Variants in PIGU observed in about 807,000 individuals in gnomAD.
PIGU encodes GPI-anchor transamidase component PIGU.
In PIGU, 24 loss-of-function variants were observed where a neutral mutation model predicts 49.9. The ratio of observed to expected loss-of-function variants is 0.48; its 90% CI spans 0.35 to 0.68. The LOEUF is 0.68. Ranked by LOEUF, PIGU falls within the 30% of genes least tolerant of loss-of-function variation. PIGU has a pLI of 0.01. For synonymous variants in PIGU, 220 were observed against 205.7 expected, an observed-to-expected ratio of 1.07 and a Z score of -0.59; for missense variants, 490 against 532.6, an observed-to-expected ratio of 0.92 and a Z score of 0.79.
chr20:34,590,638 C>CATAACAT (rs1568629321), intron 7 of PIGU, among the ~76,000 whole-genome samples: 7 of 116,076 alleles, frequency 6.0e-5, no homozygotes, highest in East Asian at 2.6e-4. Context: ...TAACATAACA[C>CATAACAT]AACAACAAAA....
intron 5 of PIGU, among the ~76,000 whole-genome samples, chr20:34,635,455 C>G (rs1261518309): frequency 6.6e-6 from 1 of 152,182 alleles, no homozygotes; most frequent in Admixed American, 6.5e-5. Context: ...TAGTGTTTTC[C>G]TGAGATGGGA....
intron 6 of PIGU, among the ~76,000 whole-genome samples, chr20:34,631,766 TATATATATATATATATA>T (rs1985767781): frequency 1.9e-4 from 1 of 5,212 alleles, no homozygotes; most frequent in African/African-American, 1.2e-3. Context: ...TATATATATA[TATATATATATATATATA>T]TATTTTTTTT....
At chr20:34,589,740 C>T (rs1166666779) in intron 7 of PIGU, among the ~76,000 whole-genome samples, 1 of 147,832 alleles carries the variant, frequency 6.8e-6, no homozygotes. Flanking sequence ...ACTGCAACCT[C>T]CACCTCCCGG....
intron 7 of PIGU, among the ~76,000 whole-genome samples, chr20:34,606,203 C>T (rs140303485): frequency 9.6e-4 from 143 of 148,802 alleles, no homozygotes; most frequent in African/African-American, 3.4e-3. Flanking sequence ...TGCAGTGAGC[C>T]GAGATTGCAC....
At chr20:34,674,260 C>T (rs1432823300) in intron 1 of PIGU, among the ~76,000 whole-genome samples, 7 of 151,424 alleles carry the variant, frequency 4.6e-5, no homozygotes, top group Admixed American at 2.0e-4. Flanking sequence ...GAGGCTGAGA[C>T]GAGATAACAG....
At chr20:34,667,827 C>A (rs1987150926) in intron 1 of PIGU, among the ~76,000 whole-genome samples, 1 of 152,036 alleles carries the variant, frequency 6.6e-6, no homozygotes, top group African/African-American at 2.4e-5. Flanking sequence ...CAAAGAATAG[C>A]CCCTAAAATG....
Position 34,674,223 on chromosome 20 carries a change from C to T in PIGU, c.130+2733G>A, listed in dbSNP as rs146208826. 1.6e-3 allele frequency among the ~76,000 whole-genome samples: 246 copies of T among 151,758 alleles called. 2 individuals are homozygous for T. Among genetic ancestry groups the T allele is most frequent in the African/African-American group, 5.5e-3 (229 of 41,366 alleles). On this transcript the variant is annotated intron_variant, in intron 1 of 11. Coordinates refer to ENST00000217446, the MANE Select transcript of PIGU (RefSeq NM_080476.5). ...TACAAAAATTAGCTGGGCATGGTGG[C>T]GGGCACCTGTAATCCCAGCTACCCA...
At chr20:34,657,608 A>G (rs1472912562) in intron 1 of PIGU, among the ~76,000 whole-genome samples, 1 of 152,230 alleles carries the variant, frequency 6.6e-6, no homozygotes, top group Non-Finnish European at 1.5e-5. Flanking sequence ...CCATAGTGTG[A>G]GGAAATGGGC....
intron 6 of PIGU, among the ~76,000 whole-genome samples, chr20:34,623,857 T>C (rs545313797): frequency 3.9e-4 from 59 of 152,270 alleles, no homozygotes; most frequent in African/African-American, 1.3e-3. Context: ...TGAAGTTGGG[T>C]TGACCTGACA....
rs544151942 is a variant in PIGU, at chr20:34,644,215, T to C, written c.267A>G (p.Ala89=). ...CAAAATACAGGGCAATAGCAGTGAG[T>C]GCATCAGTTATCTGTCAAAAGAAAG... ...YAELVFMITD[A]LTAIALYFAI... is the part of the protein sequence containing the mutation. Residue 89 remains alanine, a synonymous_variant, in exon 4 of 12, where the codon GCA becomes GCG. Coordinates refer to ENST00000217446, the MANE Select transcript of PIGU (RefSeq NM_080476.5). 11 of 1,607,020 alleles carry C rather than the reference T, an allele frequency of 6.8e-6. No individual in the cohort carries two copies. The African/African-American group carries it at 1.2e-4, about 18-fold the overall frequency.
At chr20:34,657,332 T>G in intron 1 of PIGU, 88 bp from the exon 2 acceptor site, 4 of 933,352 alleles carry the variant, frequency 4.3e-6, no homozygotes, top group Non-Finnish European at 6.9e-6. Flanking sequence ...AAAAGGGCCT[T>G]AGCGTTTATC....
At chr20:34,642,131 G>A (rs1431321087) in intron 4 of PIGU, among the ~76,000 whole-genome samples, 2 of 152,174 alleles carry the variant, frequency 1.3e-5, no homozygotes, top group Non-Finnish European at 2.9e-5. Context: ...CATCTCTCCT[G>A]TTGACATTGA....
At chr20:34,582,510 T>C (rs1268324930) in intron 9 of PIGU, among the ~76,000 whole-genome samples, 1 of 151,936 alleles carries the variant, frequency 6.6e-6, no homozygotes, top group African/African-American at 2.4e-5. Flanking sequence ...TGAAATCTCA[T>C]CTCTACAAAA....
chr20:34,583,636 A>G (rs575962231), intron 9 of PIGU, among the ~76,000 whole-genome samples: 18 of 152,340 alleles, frequency 1.2e-4, no homozygotes, highest in Non-Finnish European at 2.5e-4. Context: ...GCCAGTGCGG[A>G]AAGGTGCCCT....
intron 6 of PIGU, among the ~76,000 whole-genome samples, chr20:34,632,683 G>A (rs1985826434): frequency 6.6e-6 from 1 of 151,790 alleles, no homozygotes; most frequent in African/African-American, 2.4e-5. Context: ...CCCTTTCTTA[G>A]ACAACTACTG....
intron 7 of PIGU, among the ~76,000 whole-genome samples, chr20:34,598,568 G>A (rs1336035312): frequency 6.6e-6 from 1 of 152,192 alleles, no homozygotes; most frequent in Non-Finnish European, 1.5e-5. Flanking sequence ...ATTCCTTAGT[G>A]AGCCAGGCCC....
chr20:34,593,543 A>T (rs1178231956), intron 7 of PIGU, among the ~76,000 whole-genome samples: 1 of 152,236 alleles, frequency 6.6e-6, no homozygotes, highest in Non-Finnish European at 1.5e-5. Flanking sequence ...TAGTAGAATA[A>T]AACAGAAAGT....
At chr20:34,615,325 T>C (rs979790913) in intron 7 of PIGU, among the ~76,000 whole-genome samples, 4 of 152,212 alleles carry the variant, frequency 2.6e-5, no homozygotes, top group Admixed American at 6.5e-5. Context: ...GTTCCAAGCA[T>C]TGTTTCAGAT....
chr20:34,591,044 A>G (rs1485733877), intron 7 of PIGU, among the ~76,000 whole-genome samples: 2 of 151,096 alleles, frequency 1.3e-5, no homozygotes, highest in Non-Finnish European at 3.0e-5. Context: ...AAAAAAATAT[A>G]TATATATATG....
Sources: gnomAD v4.1 joint callset for allele counts (sites outside exome capture counted in the v4.1 genomes callset) on GRCh38, gnomAD v4.1.1 for gene constraint, MANE v1.5 for transcripts, NCBI Gene and HGNC (gene_info 2026-07-23, HGNC 2026-07-21) for gene names.